Variants in VMP1 observed in about 807,000 individuals in gnomAD.
VMP1 encodes ectopic P-granules autophagy protein 3 homolog.
A neutral mutation model predicts 56.0 loss-of-function variants in VMP1; 11 were observed. The ratio of observed to expected loss-of-function variants is 0.20; its 90% CI spans 0.12 to 0.32. The LOEUF (loss-of-function observed/expected upper bound fraction) is 0.32, where lower values mean the gene tolerates loss of function less well. Ranked by LOEUF, VMP1 falls within the 10% of genes least tolerant of loss-of-function variation. The pLI is 1.00. For missense variants in VMP1, 296 were observed against 490.3 expected (o/e 0.60, Z 3.74); for synonymous variants, 149 against 165.0 (o/e 0.90, Z 0.74).
At chr17:59,834,841 C>A (rs1481777118) in intron 10 of VMP1, among the ~76,000 whole-genome samples, 1 of 151,284 alleles carries the variant, frequency 6.6e-6, no homozygotes, top group Non-Finnish European at 1.5e-5. Flanking sequence ...CCAGGCTGGT[C>A]TTGAACTCCT....
rs1462839391 is a variant in VMP1 at position 59,814,185 on chromosome 17, G to A, written c.912+2399G>A. Among the ~76,000 whole-genome samples, 3 of 152,162 alleles carry A rather than the reference G, an allele frequency of 2.0e-5. No individual in the cohort carries two copies. In the East Asian group the frequency reaches 5.8e-4, roughly 29 times the overall value. On this transcript the variant is annotated intron_variant, in intron 9 of 11. Coordinates refer to ENST00000262291, the MANE Select transcript of VMP1 (RefSeq NM_030938.5). ...AGTAGAGATAGGGTTCACCATATTG[G>A]CCAGGCTGGTCTCGAACTCCTGACC...
At chr17:59,748,889 TATTTA>T (rs1568072077) in intron 5 of VMP1, among the ~76,000 whole-genome samples, 2 of 136,376 alleles carry the variant, frequency 1.5e-5, no homozygotes, top group African/African-American at 5.7e-5. Flanking sequence ...TTATTATTAT[TATTTA>T]TTTTTTTTTT....
intron 5 of VMP1, among the ~76,000 whole-genome samples, chr17:59,741,205 T>A (rs998291275): frequency 6.6e-6 from 1 of 151,880 alleles, no homozygotes; most frequent in East Asian, 1.9e-4. Context: ...AAAAAAAAAA[T>A]TATTTTAAAT....
intron 1 of VMP1, among the ~76,000 whole-genome samples, chr17:59,727,812 A>G (rs2034668593): frequency 6.6e-6 from 1 of 152,170 alleles, no homozygotes; most frequent in Admixed American, 6.5e-5. Flanking sequence ...ACATGCATAC[A>G]TAGATTATTT....
At chr17:59,721,890 T>G (rs910946406) in intron 1 of VMP1, among the ~76,000 whole-genome samples, 1 of 152,160 alleles carries the variant, frequency 6.6e-6, no homozygotes, top group Non-Finnish European at 1.5e-5. Context: ...TCTCCCAGTT[T>G]TGTAGGCTGC....
intron 1 of VMP1, among the ~76,000 whole-genome samples, chr17:59,714,245 A>T (rs1480715004): frequency 6.6e-6 from 1 of 151,990 alleles, no homozygotes; most frequent in Non-Finnish European, 1.5e-5. Flanking sequence ...AGAGTATCAC[A>T]TGGAGGGGGA....
At chr17:59,798,254 T>C (rs1195815869) in intron 7 of VMP1, among the ~76,000 whole-genome samples, 1 of 152,210 alleles carries the variant, frequency 6.6e-6, no homozygotes, top group Non-Finnish European at 1.5e-5. Context: ...AAATAGTTGA[T>C]AGCTCCCTAT....
At chr17:59,792,081 A>C (rs558302127) in intron 7 of VMP1, among the ~76,000 whole-genome samples, 1 of 152,174 alleles carries the variant, frequency 6.6e-6, no homozygotes, top group South Asian at 2.1e-4. Context: ...AGGCCAACCT[A>C]GGAAACATAG....
intron 1 of VMP1, among the ~76,000 whole-genome samples, chr17:59,715,020 CTATCCTTTTACCAA>C (rs754336524): frequency 2.6e-5 from 4 of 152,154 alleles, no homozygotes; most frequent in Non-Finnish European, 5.9e-5. Context: ...TGGCTTCTAA[CTATCCTTTTACCAA>C]TATCACACTG....
At chr17:59,748,109 T>C (rs1057426009) in intron 5 of VMP1, among the ~76,000 whole-genome samples, 3 of 144,012 alleles carry the variant, frequency 2.1e-5, no homozygotes, top group Admixed American at 7.4e-5. Context: ...GGCAGGAGAA[T>C]GGCGTGAACC....
At chr17:59,802,976 C>T (rs975495291) in intron 7 of VMP1, among the ~76,000 whole-genome samples, 2 of 152,138 alleles carry the variant, frequency 1.3e-5, no homozygotes, top group Non-Finnish European at 2.9e-5. Flanking sequence ...GAACTCCTGA[C>T]CTCTGGTGAT....
chr17:59,757,686 A>G (rs867585774), intron 5 of VMP1, among the ~76,000 whole-genome samples: 87 of 151,958 alleles, frequency 5.7e-4, no homozygotes, highest in African/African-American at 2.0e-3. Flanking sequence ...TCCATTACCA[A>G]TCTTTGGAAA....
chr17:59,791,610 A>G (rs2037232505), intron 7 of VMP1, among the ~76,000 whole-genome samples: 1 of 146,342 alleles, frequency 6.8e-6, no homozygotes, highest in Admixed American at 6.9e-5. Context: ...AACTGGGATT[A>G]CAGGCCACCA....
At chr17:59,745,328 G>A (rs577727029) in intron 5 of VMP1, among the ~76,000 whole-genome samples, 1 of 152,282 alleles carries the variant, frequency 6.6e-6, no homozygotes, top group South Asian at 2.1e-4. Context: ...GGCCTCCCAA[G>A]AGCCAAGCTA....
intron 1 of VMP1, among the ~76,000 whole-genome samples, chr17:59,724,840 C>G (rs1417473583): frequency 6.6e-6 from 1 of 152,018 alleles, no homozygotes; most frequent in African/African-American, 2.4e-5. Context: ...GTGGCGGGCG[C>G]CTGTAGTCCC....
intron 1 of VMP1, among the ~76,000 whole-genome samples, chr17:59,721,766 T>C (rs546800037): frequency 6.6e-6 from 1 of 151,484 alleles, no homozygotes; most frequent in Non-Finnish European, 1.5e-5. Flanking sequence ...GCAATCTGGA[T>C]ACCCTTATTT....
At chr17:59,817,833 G>A (rs1224168512) in intron 10 of VMP1, 60 bp downstream of exon 10, 3 of 1,287,556 alleles carry the variant, frequency 2.3e-6, no homozygotes, top group Non-Finnish European at 3.2e-6. Flanking sequence ...GAGTAAATGT[G>A]TACAAGACTG....
At position 59,792,871 on chromosome 17, in the gene VMP1, A is replaced by AT. The variant is rs1452629329; in HGVS notation, c.715-15924dup. Among the ~76,000 whole-genome samples the AT allele has an allele frequency of 6.0e-4, 28 of 46,466 alleles. 1 individual carries two copies. Among genetic ancestry groups the AT allele is most frequent in the African/African-American group, 1.2e-3 (27 of 22,050 alleles). The allele number at this position is 46,466 out of a possible 152,430, so 30.5% of individuals were successfully genotyped here. On this transcript the variant is annotated intron_variant, in intron 7 of 11. Coordinates refer to ENST00000262291, the MANE Select transcript of VMP1 (RefSeq NM_030938.5). ...ATCTCAAAAAATAATAATAATAATAATAATAATTATTATTATTATTATCAG... is the reference window on the plus strand; with the variant it reads ...ATCTCAAAAAATAATAATAATAATAATTAATAATTATTATTATTATTATCAG...
At chr17:59,746,312 T>C (rs1008383172) in intron 5 of VMP1, among the ~76,000 whole-genome samples, 3 of 152,128 alleles carry the variant, frequency 2.0e-5, no homozygotes, top group African/African-American at 4.8e-5. Context: ...CTGGAAATTA[T>C]AGGTGTGCAC....
Sources: gnomAD v4.1 joint callset for allele counts (sites outside exome capture counted in the v4.1 genomes callset) on GRCh38, gnomAD v4.1.1 for gene constraint, MANE v1.5 for transcripts, NCBI Gene and HGNC (gene_info 2026-07-23, HGNC 2026-07-21) for gene names.